The following DSCAM variants were observed in gnomAD, a reference collection of about 807,000 sequenced individuals.
DSCAM encodes the protein DS cell adhesion molecule.
In DSCAM, 47 loss-of-function variants were observed where a neutral mutation model predicts 217.7. That is an observed-to-expected ratio of 0.22 (90% confidence interval 0.17 to 0.28). The LOEUF (loss-of-function observed/expected upper bound fraction) is 0.28. Among genes scored for constraint, DSCAM ranks in the 10% least tolerant of loss-of-function variants. The pLI is 1.00. For synonymous variants in DSCAM, 1,056 were observed against 1,015.3 expected, an observed-to-expected ratio of 1.04 and a Z score of -0.76; for missense variants, 2,080 against 2,618.3, an observed-to-expected ratio of 0.79 and a Z score of 4.49.
chr21:40,367,008 T>C (rs913456430), intron 4 of DSCAM, among the ~76,000 whole-genome samples: 2 of 152,350 alleles, frequency 1.3e-5, no homozygotes. Flanking sequence ...ATTTCTAAAT[T>C]GAGCCGTTCC....
intron 1 of DSCAM, among the ~76,000 whole-genome samples, chr21:40,780,853 G>C (rs147297453): frequency 1.3e-5 from 2 of 152,152 alleles, no homozygotes; most frequent in African/African-American, 4.8e-5. Flanking sequence ...ACTTTGTTAT[G>C]GGACCCTAGC....
intron 3 of DSCAM, among the ~76,000 whole-genome samples, chr21:40,434,258 C>T (rs543710981): frequency 1.3e-5 from 2 of 152,318 alleles, no homozygotes; most frequent in Admixed American, 6.5e-5. Flanking sequence ...GCTTGTACAG[C>T]CAGAGCAGGT....
chr21:40,332,576 C>T (rs2074388532), intron 8 of DSCAM, among the ~76,000 whole-genome samples: 1 of 152,130 alleles, frequency 6.6e-6, no homozygotes, highest in Non-Finnish European at 1.5e-5. Flanking sequence ...CAATTAAGCA[C>T]CGTTCAAGTT....
intron 3 of DSCAM, among the ~76,000 whole-genome samples, chr21:40,495,437 C>T (rs1188997607): frequency 6.6e-6 from 1 of 152,078 alleles, no homozygotes; most frequent in Admixed American, 6.5e-5. Context: ...GGGAAAACCA[C>T]GTGCATCTCA....
intron 29 of DSCAM, among the ~76,000 whole-genome samples, chr21:40,054,388 A>T (rs1250125722): frequency 6.6e-6 from 1 of 152,190 alleles, no homozygotes; most frequent in Non-Finnish European, 1.5e-5. Context: ...CAGCCAGGAG[A>T]ACCCAGGCCT....
At position 40,012,716 on chromosome 21, in the gene DSCAM, T is replaced by G. The variant is rs890008386; in HGVS notation, c.*318A>C. ...TTTCTTGCCTCTTGTGTGATAGAACTTCCAGTCAGAAGGTTTAATTAATCC... is the reference window on the plus strand; with the variant it reads ...TTTCTTGCCTCTTGTGTGATAGAACGTCCAGTCAGAAGGTTTAATTAATCC... On this transcript the variant is annotated 3_prime_UTR_variant, in exon 33 of 33. Transcript: ENST00000400454. 8.1e-5 allele frequency: 14 copies of G among 172,930 alleles called. No individual in the cohort carries two copies. Among genetic ancestry groups the G allele is most frequent in the Non-Finnish European group, 1.6e-4 (13 of 83,256 alleles). The allele number at this position is 172,930 out of a possible 1,614,324, so 10.7% of individuals were successfully genotyped here.
intron 3 of DSCAM, among the ~76,000 whole-genome samples, chr21:40,401,911 A>G (rs967777982): frequency 3.9e-5 from 6 of 152,008 alleles, no homozygotes; most frequent in African/African-American, 1.4e-4. Flanking sequence ...CTTGCTAGCT[A>G]TATTTTACAC....
intron 3 of DSCAM, among the ~76,000 whole-genome samples, chr21:40,530,496 A>G (rs2076434743): frequency 6.6e-6 from 1 of 152,230 alleles, no homozygotes; most frequent in South Asian, 2.1e-4. Context: ...GTGTCATGAT[A>G]AGACAATTCT....
At chr21:40,795,339 C>T (rs2091682632) in intron 1 of DSCAM, among the ~76,000 whole-genome samples, 1 of 146,212 alleles carries the variant, frequency 6.8e-6, no homozygotes, top group Non-Finnish European at 1.5e-5. Flanking sequence ...CAACAACTTA[C>T]ATATACTACC....
chr21:40,316,052 C>T (rs1212022647), intron 8 of DSCAM, among the ~76,000 whole-genome samples: 1 of 152,078 alleles, frequency 6.6e-6, no homozygotes, highest in African/African-American at 2.4e-5. Context: ...ACTTAATTAG[C>T]ATTCTGAATT....
chr21:40,414,257 T>C (rs188490789), intron 3 of DSCAM, among the ~76,000 whole-genome samples: 4 of 152,342 alleles, frequency 2.6e-5, no homozygotes, highest in African/African-American at 9.6e-5. Context: ...ATCTAGCACA[T>C]ATAAGAGTTC....
chr21:40,378,090 C>CTATTAT (rs2074981106), intron 3 of DSCAM, among the ~76,000 whole-genome samples: 1 of 152,122 alleles, frequency 6.6e-6, no homozygotes, highest in South Asian at 2.1e-4. Flanking sequence ...GAACACTCCA[C>CTATTAT]GTCATTACCA....
intron 11 of DSCAM, among the ~76,000 whole-genome samples, chr21:40,193,827 G>A (rs1037959102): frequency 6.6e-6 from 1 of 152,140 alleles, no homozygotes; most frequent in Non-Finnish European, 1.5e-5. Context: ...CCCAAATCCA[G>A]GGTAGTTTAA....
At chr21:40,789,791 G>A (rs1344367942) in intron 1 of DSCAM, among the ~76,000 whole-genome samples, 1 of 152,054 alleles carries the variant, frequency 6.6e-6, no homozygotes, top group African/African-American at 2.4e-5. Flanking sequence ...TCCTGACCTC[G>A]TGATCCGCCT....
chr21:40,432,743 A>T (rs2075546689), intron 3 of DSCAM, among the ~76,000 whole-genome samples: 1 of 152,200 alleles, frequency 6.6e-6, no homozygotes, highest in Non-Finnish European at 1.5e-5. Context: ...CTTCATTTTG[A>T]CATGCATCAA....
At chr21:40,198,634 T>C (rs2091039318) in intron 11 of DSCAM, among the ~76,000 whole-genome samples, 1 of 152,146 alleles carries the variant, frequency 6.6e-6, no homozygotes, top group Non-Finnish European at 1.5e-5. Flanking sequence ...CTCCACATAC[T>C]TACCCAGATC....
In DSCAM at chr21:40,069,982, C is replaced by T. The variant is rs1051566738; in HGVS notation, c.4888+5055G>A. The stretch of plus-strand genomic sequence containing the variant: ...CCAGGCAAGGCAGAGCTCCAGGGCC[C>T]GGCTGAGACCCACAATCCCCTCCTG... On this transcript the variant is annotated intron_variant, in intron 27 of 32. Coordinates refer to ENST00000400454, the MANE Select transcript of DSCAM (RefSeq NM_001389.5). Among the ~76,000 whole-genome samples, 9 of 152,176 alleles carry T rather than the reference C, an allele frequency of 5.9e-5. No homozygotes were observed. In the South Asian group the frequency reaches 1.0e-3, roughly 18 times the overall value.
At chr21:40,841,605 C>A (rs1186312260) in intron 1 of DSCAM, among the ~76,000 whole-genome samples, 2 of 152,122 alleles carry the variant, frequency 1.3e-5, no homozygotes, top group Admixed American at 6.5e-5. Flanking sequence ...GCCTTGCCTG[C>A]GGAGATTGAT....
At chr21:40,566,699 A>G (rs568854358) in intron 3 of DSCAM, among the ~76,000 whole-genome samples, 62 of 152,198 alleles carry the variant, frequency 4.1e-4, no homozygotes, top group Non-Finnish European at 4.0e-4. Flanking sequence ...CTGATGCCAC[A>G]TTTCTTTGAA....
Sources: allele counts gnomAD v4.1 joint callset (sites outside exome capture counted in the v4.1 genomes callset), GRCh38; gene constraint gnomAD v4.1.1; transcripts MANE v1.5; gene names NCBI Gene and HGNC (gene_info 2026-07-23, HGNC 2026-07-21).